Variants in ZEB1 observed in about 807,000 individuals in gnomAD.
The protein encoded by ZEB1 is zinc finger E-box binding homeobox 1.
In ZEB1, 21 loss-of-function variants were observed where a neutral mutation model predicts 84.9. The observed-to-expected ratio is 0.25, with a 90% CI of 0.18 to 0.36. The LOEUF (loss-of-function observed/expected upper bound fraction) is 0.36. Among genes scored for constraint, ZEB1 ranks in the 10% least tolerant of loss-of-function variants. The probability of loss-of-function intolerance (pLI) is 1.00; values close to 1 mark genes in which losing one functional copy is unlikely to be tolerated. For synonymous variants in ZEB1, 420 were observed against 471.1 expected, an observed-to-expected ratio of 0.89 and a Z score of 1.41; for missense variants, 1,104 against 1,330.2, an observed-to-expected ratio of 0.83 and a Z score of 2.65.
chr10:31,511,326 C>T (rs1001952095), intron 5 of ZEB1, among the ~76,000 whole-genome samples: 3 of 152,060 alleles, frequency 2.0e-5, no homozygotes, highest in Admixed American at 6.6e-5. Flanking sequence ...GTATAAGCTA[C>T]GTGGTTTTTT....
At chr10:31,387,874 A>G in intron 1 of ZEB1, 4 of 580,432 alleles carry the variant, frequency 6.9e-6, no homozygotes, top group Non-Finnish European at 8.7e-6. Flanking sequence ...ATTACTTAAA[A>G]TTGGCAATTT....
At chr10:31,395,359 A>G (rs1376530765) in intron 1 of ZEB1, among the ~76,000 whole-genome samples, 4 of 152,044 alleles carry the variant, frequency 2.6e-5, no homozygotes, top group Non-Finnish European at 5.9e-5. Flanking sequence ...AACTAGTGCT[A>G]ACTTTATGCA....
At chr10:31,473,418 GACAA>G (rs1267766118) in intron 2 of ZEB1, among the ~76,000 whole-genome samples, 2 of 151,920 alleles carry the variant, frequency 1.3e-5, no homozygotes, top group Non-Finnish European at 2.9e-5. Context: ...ACCAGTAACA[GACAA>G]ACAGAGAGCC....
At chr10:31,454,331 A>G (rs1183916737) in intron 1 of ZEB1, among the ~76,000 whole-genome samples, 3 of 152,206 alleles carry the variant, frequency 2.0e-5, no homozygotes, top group African/African-American at 7.2e-5. Context: ...AACTGCAAGC[A>G]TTCCCTTTGA....
chr10:31,451,015 T>C (rs2060502159), intron 1 of ZEB1, among the ~76,000 whole-genome samples: 1 of 152,146 alleles, frequency 6.6e-6, no homozygotes, highest in Non-Finnish European at 1.5e-5. Context: ...CTTTAAAAAG[T>C]TACAAAATTA....
chr10:31,361,275 C>A (rs2043020750), intron 1 of ZEB1: 1 of 1,522,064 alleles, frequency 6.6e-7, no homozygotes, highest in African/African-American at 1.4e-5. Context: ...TCACTGCAAC[C>A]TCCACTTCCC....
intron 6 of ZEB1, among the ~76,000 whole-genome samples, chr10:31,519,048 A>C (rs2139750323): frequency 6.6e-6 from 1 of 152,266 alleles, no homozygotes; most frequent in Admixed American, 6.5e-5. Flanking sequence ...AAGTAGACAA[A>C]TCAGTGTCAT....
chr10:31,330,638 G>A (rs1469533178), intron 1 of ZEB1, among the ~76,000 whole-genome samples: 1 of 152,112 alleles, frequency 6.6e-6, no homozygotes, highest in African/African-American at 2.4e-5. Context: ...TTCTCCTTGA[G>A]ATAAATGCTT....
intron 1 of ZEB1, among the ~76,000 whole-genome samples, chr10:31,386,474 G>A (rs558356949): frequency 5.3e-5 from 8 of 151,466 alleles, no homozygotes; most frequent in African/African-American, 7.3e-5. Context: ...TTGACTAATC[G>A]GTTAATATTC....
chr10:31,354,024 A>G (rs556597176), intron 1 of ZEB1, among the ~76,000 whole-genome samples: 2 of 152,230 alleles, frequency 1.3e-5, no homozygotes, highest in Non-Finnish European at 2.9e-5. Flanking sequence ...GTGATTAGAT[A>G]TTAGAATTAG....
At chr10:31,439,959 T>C (rs2058727230) in intron 1 of ZEB1, among the ~76,000 whole-genome samples, 1 of 152,080 alleles carries the variant, frequency 6.6e-6, no homozygotes, top group South Asian at 2.1e-4. Context: ...TGTTGAGAAC[T>C]GACTACAGGA....
intron 1 of ZEB1, among the ~76,000 whole-genome samples, chr10:31,416,297 A>G (rs959176758): frequency 4.9e-5 from 6 of 123,072 alleles, no homozygotes; most frequent in African/African-American, 3.5e-4. Context: ...GTAGACTTCT[A>G]AGCTATTGAT....
At chr10:31,449,052 A>C (rs565914470) in intron 1 of ZEB1, among the ~76,000 whole-genome samples, 1 of 152,314 alleles carries the variant, frequency 6.6e-6, no homozygotes, top group South Asian at 2.1e-4. Context: ...CTGCTGTGCT[A>C]GCAACCAGCG....
At chr10:31,461,494 T>C (rs950500795) in intron 2 of ZEB1, among the ~76,000 whole-genome samples, 6 of 152,150 alleles carry the variant, frequency 3.9e-5, no homozygotes, top group Non-Finnish European at 7.4e-5. Context: ...CCAAATATTG[T>C]TGATATAATT....
chr10:31,364,553 G>T (rs1470094158), intron 1 of ZEB1, among the ~76,000 whole-genome samples: 1 of 152,210 alleles, frequency 6.6e-6, no homozygotes, highest in Admixed American at 6.5e-5. Context: ...AGCCAGGCCC[G>T]CCTTCTCCAT....
rs534079070 is a variant in ZEB1 at position 31,493,842 on chromosome 10, G to T, written c.260-1934G>T. On this transcript the variant is annotated intron_variant, in intron 2 of 8. Transcript: ENST00000424869. ...TCTAGTTTTTAAATTGTGGGAAATAGGTCTGGGAGTAGATTCTGAAGTATG... is the reference window on the plus strand; with the variant it reads ...TCTAGTTTTTAAATTGTGGGAAATATGTCTGGGAGTAGATTCTGAAGTATG... Among the ~76,000 whole-genome samples, 64 of 152,094 alleles carry T rather than the reference G, an allele frequency of 4.2e-4. No individual in the cohort carries two copies. In the Middle Eastern group the frequency reaches 0.017, roughly 40 times the overall value.
chr10:31,498,499 T>C (rs2067608191), intron 3 of ZEB1, among the ~76,000 whole-genome samples: 2 of 152,112 alleles, frequency 1.3e-5, no homozygotes. Context: ...TAGTACTTAC[T>C]ACATACCAGG....
At chr10:31,479,015 C>T (rs2064682326) in intron 2 of ZEB1, among the ~76,000 whole-genome samples, 1 of 151,466 alleles carries the variant, frequency 6.6e-6, no homozygotes, top group African/African-American at 2.4e-5. Flanking sequence ...CATGTGCCCC[C>T]CAAATCTAAA....
chr10:31,403,379 A>C (rs2052419772), intron 1 of ZEB1, among the ~76,000 whole-genome samples: 1 of 151,978 alleles, frequency 6.6e-6, no homozygotes, highest in South Asian at 2.1e-4. Flanking sequence ...TACCTGTATT[A>C]AACACTTAAC....
Sources: gnomAD v4.1 joint callset for allele counts (sites outside exome capture counted in the v4.1 genomes callset) on GRCh38, gnomAD v4.1.1 for gene constraint, MANE v1.5 for transcripts, NCBI Gene and HGNC (gene_info 2026-07-23, HGNC 2026-07-21) for gene names.